Variants in CUX1 observed in about 807,000 individuals in gnomAD.
CUX1 encodes the protein cut like homeobox 1, also known as protein CASP.
CUX1 carries 31 observed loss-of-function variants against 158.8 expected under a neutral mutation model. The ratio of observed to expected loss-of-function variants is 0.20; its 90% CI spans 0.15 to 0.26. CUX1 has a LOEUF of 0.26. Ranked by LOEUF, CUX1 falls within the 10% of genes least tolerant of loss-of-function variation. The probability of loss-of-function intolerance (pLI) is 1.00; values close to 1 mark genes in which losing one functional copy is unlikely to be tolerated. For synonymous variants in CUX1, 879 were observed against 862.1 expected, an observed-to-expected ratio of 1.02 and a Z score of -0.34; for missense variants, 1,589 against 2,014.6, an observed-to-expected ratio of 0.79 and a Z score of 4.04.
At chr7:101,979,839 A>ACCAT (rs1813196424) in intron 2 of CUX1, among the ~76,000 whole-genome samples, 2 of 152,174 alleles carry the variant, frequency 1.3e-5, no homozygotes, top group African/African-American at 4.8e-5. Flanking sequence ...TAATAGAGAT[A>ACCAT]GGGTTTTACC....
chr7:102,033,697 A>C (rs1381227095), intron 3 of CUX1, among the ~76,000 whole-genome samples: 1 of 152,190 alleles, frequency 6.6e-6, no homozygotes, highest in Non-Finnish European at 1.5e-5. Context: ...TTTCCAAGAG[A>C]GTTTTATCAA....
In CUX1 at chr7:102,046,569, A is replaced by ATTTTTTTTTTTTTTTTTTTTTTTTTT. The variant is rs55753644; in HGVS notation, c.189+18426_189+18451dup. On this transcript the variant is annotated intron_variant, in intron 3 of 23. Coordinates refer to ENST00000292535, the MANE Select transcript of CUX1 (RefSeq NM_181552.4). ...CCTGTTCTGTTTTGGTTTGGTTTGG[A>ATTTTTTTTTTTTTTTTTTTTTTTTTT]TTTTTTTTTTTTTTTTTTTTTTTTT... Among the ~76,000 whole-genome samples the ATTTTTTTTTTTTTTTTTTTTTTTTTT allele has an allele frequency of 2.3e-4, 13 of 55,480 alleles. 2 individuals carry two copies. The highest frequency in any genetic ancestry group is 7.2e-4 in the South Asian group (1 of 1,382). The allele number at this position is 55,480 out of a possible 152,430, so 36.4% of individuals were successfully genotyped here.
At chr7:102,065,260 T>G (rs1361515132) in intron 3 of CUX1, among the ~76,000 whole-genome samples, 1 of 152,096 alleles carries the variant, frequency 6.6e-6, no homozygotes, top group Non-Finnish European at 1.5e-5. Context: ...TGTATTTTTT[T>G]GTAGAGATAG....
intron 1 of CUX1, among the ~76,000 whole-genome samples, chr7:101,825,477 G>A (rs1793148912): frequency 6.6e-6 from 1 of 152,180 alleles, no homozygotes; most frequent in Non-Finnish European, 1.5e-5. Context: ...GGAGAGCTGT[G>A]CTGCGGAATC....
chr7:102,030,689 G>GTGTTTTTTTTGTTTTTTTTTTTGTTTTT (rs1554459456), intron 3 of CUX1, among the ~76,000 whole-genome samples: 9 of 82,548 alleles, frequency 1.1e-4, no homozygotes, highest in African/African-American at 4.8e-4. Context: ...ATTTTAAAAA[G>GTGTTTTTTTTGTTTTTTTTTTTGTTTTT]TGTTTTTTTT....
At chr7:102,172,552 A>AT (rs1259528620) in intron 10 of CUX1, among the ~76,000 whole-genome samples, 1 of 152,016 alleles carries the variant, frequency 6.6e-6, no homozygotes, top group Non-Finnish European at 1.5e-5. Context: ...TCCCGGCCCT[A>AT]TTTTTTTATA....
intron 2 of CUX1, among the ~76,000 whole-genome samples, chr7:101,935,239 A>G (rs1041099712): frequency 6.6e-6 from 1 of 151,602 alleles, no homozygotes; most frequent in Non-Finnish European, 1.5e-5. Context: ...TGTGACCCCC[A>G]CTCTGCCCGC....
chr7:101,958,658 T>G (rs1810071630), intron 2 of CUX1, among the ~76,000 whole-genome samples: 1 of 151,280 alleles, frequency 6.6e-6, no homozygotes, highest in Non-Finnish European at 1.5e-5. Flanking sequence ...TTTTGTATTT[T>G]CAGTAGAGAC....
chr7:101,926,390 G>C (rs773301169), intron 2 of CUX1, among the ~76,000 whole-genome samples: 9 of 152,062 alleles, frequency 5.9e-5, no homozygotes, highest in African/African-American at 2.2e-4. Context: ...AACCTAATTC[G>C]GGCCCCAGTC....
intron 1 of CUX1, among the ~76,000 whole-genome samples, chr7:101,890,527 G>A (rs1433364015): frequency 6.6e-6 from 1 of 150,986 alleles, no homozygotes; most frequent in Non-Finnish European, 1.5e-5. Flanking sequence ...AGCAAGGCCC[G>A]GCACCAGGTT....
At position 102,257,134 on chromosome 7, in the gene CUX1, G is replaced by A. The variant is rs145266893; in HGVS notation, c.*8092G>A. ...CTTGATCCCATGGGCCCAGCAGAAG[G>A]AAACTTACCCCAGGCCAAGGCAAGG... On this transcript the variant is annotated 3_prime_UTR_variant, in exon 24 of 24. Coordinates refer to ENST00000292535, the MANE Select transcript of CUX1 (RefSeq NM_181552.4). 3.3e-3 allele frequency: 3,250 copies of A among 985,348 alleles called. 7 individuals are homozygous for A. Among genetic ancestry groups the A allele is most frequent in the Non-Finnish European group, 3.7e-3 (3,109 of 829,928 alleles). The allele number at this position is 985,348 out of a possible 1,614,324, so 61.0% of individuals were successfully genotyped here. A position where few individuals can be genotyped will look rare whatever the true frequency, so the allele number is the denominator to read the frequency against.
chr7:102,049,454 C>A (rs1259400183), intron 3 of CUX1, among the ~76,000 whole-genome samples: 3 of 152,190 alleles, frequency 2.0e-5, no homozygotes, highest in Non-Finnish European at 4.4e-5. Context: ...CATGCTTATT[C>A]TGTAAAGCCT....
At chr7:102,206,203 C>G (rs1795931804) in intron 20 of CUX1, among the ~76,000 whole-genome samples, 1 of 152,118 alleles carries the variant, frequency 6.6e-6, no homozygotes. Context: ...CGGTGGCATC[C>G]AAGTCCCCAG....
chr7:102,009,654 C>T (rs1047034026), intron 2 of CUX1, among the ~76,000 whole-genome samples: 21 of 152,236 alleles, frequency 1.4e-4, no homozygotes, highest in African/African-American at 4.8e-4. Flanking sequence ...AGGTCTTAAA[C>T]CCTGGCCCTC....
At chr7:102,151,434 T>A (rs1585926527) in intron 8 of CUX1, among the ~76,000 whole-genome samples, 1 of 152,054 alleles carries the variant, frequency 6.6e-6, no homozygotes, top group East Asian at 1.9e-4. Flanking sequence ...ATACCTGTAA[T>A]CCCAGCTACT....
chr7:102,210,871 T>C (rs555209473), intron 20 of CUX1, among the ~76,000 whole-genome samples: 1 of 152,282 alleles, frequency 6.6e-6, no homozygotes, highest in East Asian at 1.9e-4. Context: ...AGATTCCCCT[T>C]GGCTGCAGCC....
chr7:102,138,598 G>A (rs73408093), intron 8 of CUX1, among the ~76,000 whole-genome samples: 12,556 of 152,222 alleles, frequency 0.082, 690 homozygotes, highest in African/African-American at 0.14. Flanking sequence ...TAGATTACAT[G>A]TCTAGCATAG....
intron 3 of CUX1, among the ~76,000 whole-genome samples, chr7:102,029,077 C>T (rs563347909): frequency 6.6e-6 from 1 of 150,920 alleles, no homozygotes; most frequent in African/African-American, 2.4e-5. Context: ...ACTGCAACCT[C>T]CGTCTCCCAG....
intron 2 of CUX1, among the ~76,000 whole-genome samples, chr7:101,959,829 A>C (rs555480063): frequency 6.6e-6 from 1 of 152,244 alleles, no homozygotes; most frequent in South Asian, 2.1e-4. Flanking sequence ...CTCTGTTTGG[A>C]CATGGTACAA....
Sources: gnomAD v4.1 joint callset for allele counts (sites outside exome capture counted in the v4.1 genomes callset) on GRCh38, gnomAD v4.1.1 for gene constraint, MANE v1.5 for transcripts, NCBI Gene and HGNC (gene_info 2026-07-23, HGNC 2026-07-21) for gene names.